Variants in ARHGAP15 observed in about 807,000 individuals in gnomAD.
ARHGAP15 encodes rho GTPase-activating protein 15.
ARHGAP15 carries 51 observed loss-of-function variants against 63.7 expected under a neutral mutation model. That is an observed-to-expected ratio of 0.80 (90% CI 0.64 to 1.01). The LOEUF (loss-of-function observed/expected upper bound fraction) is 1.01, where lower values mean the gene tolerates loss of function less well. Ranked by LOEUF, ARHGAP15 falls within the 50% of genes least tolerant of loss-of-function variation. ARHGAP15 has a pLI of 0.00. For missense variants in ARHGAP15, 560 were observed against 564.6 expected (o/e 0.99, Z 0.08); for synonymous variants, 191 against 193.8 (o/e 0.99, Z 0.12).
chr2:143,585,938 A>G (rs925705800), intron 11 of ARHGAP15, among the ~76,000 whole-genome samples: 1 of 152,128 alleles, frequency 6.6e-6, no homozygotes, highest in African/African-American at 2.4e-5. Context: ...AGATTTAAGC[A>G]TTCAGTTACT....
rs536084815 is a variant in ARHGAP15, at chr2:143,145,466, T to C, written c.-14-10011T>C. 2.6e-4 allele frequency among the ~76,000 whole-genome samples: 40 copies of C among 152,148 alleles called. 1 individual carries two copies. The South Asian group carries it at 6.2e-3, about 24-fold the overall frequency. ...TTCTATTGCCAATCTCCTTTGTGGA[T>C]AATTGAGCTAGACCTGAACAAATAG... On this transcript the variant is annotated intron_variant, in intron 1 of 13. Coordinates refer to ENST00000295095, the MANE Select transcript of ARHGAP15 (RefSeq NM_018460.4).
At chr2:143,139,912 C>G (rs888599283) in intron 1 of ARHGAP15, among the ~76,000 whole-genome samples, 7 of 152,088 alleles carry the variant, frequency 4.6e-5, no homozygotes, top group Non-Finnish European at 8.8e-5. Flanking sequence ...CTTTCTGAGT[C>G]TGCATTGGCT....
intron 13 of ARHGAP15, among the ~76,000 whole-genome samples, chr2:143,763,627 TAAATTGCATATATATGC>T (rs537723694): frequency 2.0e-5 from 3 of 150,382 alleles, no homozygotes; most frequent in East Asian, 3.9e-4. Context: ...ATATAAATAA[TAAATTGCATATATATGC>T]AAATTGCATA....
chr2:143,645,160 T>A (rs1164756018), intron 12 of ARHGAP15, among the ~76,000 whole-genome samples: 2 of 152,080 alleles, frequency 1.3e-5, no homozygotes, highest in East Asian at 3.9e-4. Flanking sequence ...TTGGCTAATT[T>A]TGGCATAAGC....
At chr2:143,235,311 C>T (rs1296517100) in intron 5 of ARHGAP15, among the ~76,000 whole-genome samples, 1 of 143,086 alleles carries the variant, frequency 7.0e-6, no homozygotes, top group African/African-American at 2.6e-5. Context: ...TTGAATTGGG[C>T]CTTGTAGGAC....
At chr2:143,135,317 A>T (rs1689093331) in intron 1 of ARHGAP15, among the ~76,000 whole-genome samples, 1 of 152,226 alleles carries the variant, frequency 6.6e-6, no homozygotes, top group South Asian at 2.1e-4. Context: ...CTTGTCAGTA[A>T]CACACAATAC....
chr2:143,578,740 A>G (rs1295977756), intron 11 of ARHGAP15, among the ~76,000 whole-genome samples: 1 of 152,190 alleles, frequency 6.6e-6, no homozygotes, highest in Non-Finnish European at 1.5e-5. Context: ...TGTATCCAGC[A>G]GTTTAAAAAT....
intron 11 of ARHGAP15, among the ~76,000 whole-genome samples, chr2:143,601,331 T>C (rs1697760704): frequency 6.6e-6 from 1 of 152,084 alleles, no homozygotes; most frequent in Non-Finnish European, 1.5e-5. Context: ...TGCCAAGGAG[T>C]GTAGGAGTAG....
intron 10 of ARHGAP15, among the ~76,000 whole-genome samples, chr2:143,538,358 A>G (rs991241971): frequency 6.6e-6 from 1 of 152,134 alleles, no homozygotes; most frequent in African/African-American, 2.4e-5. Context: ...TTTCTTAATT[A>G]AATGCCCTTT....
intron 11 of ARHGAP15, among the ~76,000 whole-genome samples, chr2:143,589,839 T>C (rs2105165721): frequency 6.6e-6 from 1 of 152,310 alleles, no homozygotes; most frequent in South Asian, 2.1e-4. Flanking sequence ...AGTGAAACTG[T>C]TAAAAAATTA....
chr2:143,450,472 CTGTGT>C (rs1690358402), intron 8 of ARHGAP15, among the ~76,000 whole-genome samples: 1 of 151,786 alleles, frequency 6.6e-6, no homozygotes, highest in Non-Finnish European at 1.5e-5. Flanking sequence ...ATTAGAACAT[CTGTGT>C]TGTGTTATTA....
chr2:143,163,145 T>C (rs1015079256), intron 2 of ARHGAP15, among the ~76,000 whole-genome samples: 2 of 151,980 alleles, frequency 1.3e-5, no homozygotes, highest in African/African-American at 2.4e-5. Context: ...TTCTGATAAA[T>C]GGCACTTTAA....
At chr2:143,759,580 C>T (rs1057384216) in intron 13 of ARHGAP15, among the ~76,000 whole-genome samples, 2 of 152,132 alleles carry the variant, frequency 1.3e-5, no homozygotes, top group South Asian at 2.1e-4. Context: ...TTTACCATGA[C>T]CCCTAAGTCC....
chr2:143,527,382 G>C (rs1324084904), intron 10 of ARHGAP15, among the ~76,000 whole-genome samples: 1 of 151,866 alleles, frequency 6.6e-6, no homozygotes, highest in Admixed American at 6.6e-5. Context: ...TACAGTTAAA[G>C]ATGTTTTTCT....
intron 6 of ARHGAP15, among the ~76,000 whole-genome samples, chr2:143,336,634 A>G (rs1049269792): frequency 6.6e-6 from 1 of 152,090 alleles, no homozygotes; most frequent in Non-Finnish European, 1.5e-5. Context: ...TGTGGGTATG[A>G]AAGGCCCCAG....
chr2:143,689,222 T>A (rs1389808901), intron 12 of ARHGAP15, among the ~76,000 whole-genome samples: 1 of 152,132 alleles, frequency 6.6e-6, no homozygotes, highest in Admixed American at 6.6e-5. Context: ...AAAATTTAAT[T>A]TTGTTTTGCA....
At chr2:143,599,825 T>C (rs1455815583) in intron 11 of ARHGAP15, among the ~76,000 whole-genome samples, 2 of 152,184 alleles carry the variant, frequency 1.3e-5, no homozygotes, top group Non-Finnish European at 2.9e-5. Context: ...TTTCTTATAT[T>C]GTGTATCTGC....
At chr2:143,525,738 TG>T (rs1438029872) in intron 10 of ARHGAP15, among the ~76,000 whole-genome samples, 1 of 152,070 alleles carries the variant, frequency 6.6e-6, no homozygotes, top group African/African-American at 2.4e-5. Context: ...GGGGCCTCTG[TG>T]TCTGTAAGAA....
chr2:143,452,839 C>A (rs190868738), intron 8 of ARHGAP15, among the ~76,000 whole-genome samples: 2 of 151,934 alleles, frequency 1.3e-5, no homozygotes, highest in East Asian at 3.9e-4. Flanking sequence ...GTGATTATTA[C>A]TAGAAAATAT....
Sources: allele counts gnomAD v4.1 joint callset (sites outside exome capture counted in the v4.1 genomes callset), GRCh38; gene constraint gnomAD v4.1.1; transcripts MANE v1.5; gene names NCBI Gene and HGNC (gene_info 2026-07-23, HGNC 2026-07-21).